The following ARMC2 variants were observed in gnomAD, a reference collection of about 807,000 sequenced individuals.
ARMC2 encodes the protein armadillo repeat-containing protein 2.
Under a neutral mutation model 90.3 loss-of-function variants are expected in ARMC2, and 67 were observed. The observed-to-expected ratio is 0.74, with a 90% CI of 0.61 to 0.91. The LOEUF (loss-of-function observed/expected upper bound fraction) is 0.91. Among genes scored for constraint, ARMC2 ranks in the 40% least tolerant of loss-of-function variants. ARMC2 has a pLI of 0.00. For synonymous variants in ARMC2, 393 were observed against 393.0 expected (o/e 1.00, Z 0.00); for missense variants, 920 against 1,030.9 (o/e 0.89, Z 1.47).
intron 5 of ARMC2, among the ~76,000 whole-genome samples, chr6:108,881,319 C>CTTCCTTCCT (rs1777560389): frequency 2.8e-4 from 5 of 17,762 alleles, no homozygotes; most frequent in Non-Finnish European, 5.4e-4. Context: ...CCTTCCTTCA[C>CTTCCTTCCT]TCCTTCCTTC....
At chr6:109,050,556 A>G in the ARMC2 span, among the ~76,000 whole-genome samples, 42 of 152,342 alleles carry the variant, frequency 2.8e-4, 1 homozygote, top group South Asian at 7.3e-3. Context: ...TGATGAAATT[A>G]GCTTCCTAAG....
intron 9 of ARMC2, among the ~76,000 whole-genome samples, chr6:108,911,668 G>A (rs932660525): frequency 1.3e-5 from 2 of 152,062 alleles, no homozygotes; most frequent in Non-Finnish European, 2.9e-5. Flanking sequence ...AACCAGTACT[G>A]AAAGAAATGT....
intron 4 of ARMC2, among the ~76,000 whole-genome samples, chr6:108,871,360 C>T (rs915069170): frequency 2.0e-5 from 3 of 152,182 alleles, no homozygotes. Flanking sequence ...CCATGAGAAT[C>T]ACCTGAGGAG....
At chr6:109,017,319 T>C in the ARMC2 span, among the ~76,000 whole-genome samples, 1 of 152,184 alleles carries the variant, frequency 6.6e-6, no homozygotes, top group Non-Finnish European at 1.5e-5. Flanking sequence ...AGAGTCTCAC[T>C]CTGTCGCCCA....
chr6:108,937,105 A>G, intron 12 of ARMC2, 106 bp downstream of exon 12: 1 of 1,019,714 alleles, frequency 9.8e-7, no homozygotes, highest in South Asian at 1.7e-5. Context: ...TTTCTATAAG[A>G]AACTTCCATT....
chr6:108,935,484 C>G (rs1489303870), intron 11 of ARMC2, among the ~76,000 whole-genome samples: 1 of 152,052 alleles, frequency 6.6e-6, no homozygotes, highest in Non-Finnish European at 1.5e-5. Flanking sequence ...CTCTGTCACC[C>G]AGGCTGGAGT....
At chr6:108,917,225 G>A (rs1447043517) in intron 10 of ARMC2, among the ~76,000 whole-genome samples, 2 of 152,044 alleles carry the variant, frequency 1.3e-5, no homozygotes, top group African/African-American at 2.4e-5. Context: ...AGGTAACATG[G>A]TTTTCTTTTC....
chr6:108,992,826 G>A, the ARMC2 span: 1 of 1,613,582 alleles, frequency 6.2e-7, no homozygotes, highest in African/African-American at 1.3e-5. Context: ...CATGTCTAGA[G>A]AAATCTTTAT....
At chr6:108,850,300 C>A (rs771552247) in intron 1 of ARMC2, among the ~76,000 whole-genome samples, 43 of 152,304 alleles carry the variant, frequency 2.8e-4, no homozygotes, top group Non-Finnish European at 5.0e-4. Flanking sequence ...TTCTTCTTTC[C>A]TCTTGAAATC....
chr6:108,855,006 T>G (rs1408341259), intron 2 of ARMC2, among the ~76,000 whole-genome samples: 1 of 152,238 alleles, frequency 6.6e-6, no homozygotes, highest in Non-Finnish European at 1.5e-5. Flanking sequence ...CTTTTCAGAT[T>G]GGCTTCTTTG....
chr6:108,942,745 C>T (rs529311640), intron 12 of ARMC2, among the ~76,000 whole-genome samples: 1 of 152,100 alleles, frequency 6.6e-6, no homozygotes, highest in African/African-American at 2.4e-5. Flanking sequence ...GTAGACCTTC[C>T]CTGTTTTTGT....
chr6:108,987,375 C>A, the ARMC2 span: 1 of 518,734 alleles, frequency 1.9e-6, no homozygotes, highest in Non-Finnish European at 3.4e-6. Context: ...ACAGTCACTG[C>A]TTGTGCCAGC....
intron 13 of ARMC2, among the ~76,000 whole-genome samples, chr6:108,957,410 C>T (rs1320892465): frequency 6.6e-6 from 1 of 152,186 alleles, no homozygotes; most frequent in Non-Finnish European, 1.5e-5. Context: ...CCTCCTGCCC[C>T]CTCTGACAGG....
the ARMC2 span, among the ~76,000 whole-genome samples, chr6:109,040,455 A>C: frequency 6.6e-6 from 1 of 152,152 alleles, no homozygotes; most frequent in African/African-American, 2.4e-5. Context: ...AAAGTTACTA[A>C]GAATTTATCA....
At chr6:108,928,419 T>C (rs374349567) in intron 11 of ARMC2, among the ~76,000 whole-genome samples, 186 bp downstream of exon 11, 50 of 152,308 alleles carry the variant, frequency 3.3e-4, no homozygotes, top group African/African-American at 1.1e-3. Flanking sequence ...ACCCATTGTC[T>C]ATATGATTCT....
At chr6:108,858,549 T>C (rs949822765) in intron 3 of ARMC2, among the ~76,000 whole-genome samples, 42 of 151,572 alleles carry the variant, frequency 2.8e-4, no homozygotes, top group African/African-American at 9.4e-4. Flanking sequence ...ATTTTTGCTT[T>C]CTTAGTTATA....
chr6:108,881,217 T>A (rs745908362), intron 5 of ARMC2, among the ~76,000 whole-genome samples: 1 of 150,202 alleles, frequency 6.7e-6, no homozygotes, highest in Non-Finnish European at 1.5e-5. Context: ...TTTCCTTTCT[T>A]TTCTTTCTTT....
At chr6:108,916,271 G>T (rs112318227) in intron 10 of ARMC2, among the ~76,000 whole-genome samples, 17 of 152,212 alleles carry the variant, frequency 1.1e-4, no homozygotes, top group African/African-American at 4.1e-4. Flanking sequence ...TAAGACAGGA[G>T]AGCTGTCAGT....
the ARMC2 span, among the ~76,000 whole-genome samples, chr6:108,995,434 G>T: frequency 6.6e-6 from 1 of 152,160 alleles, no homozygotes; most frequent in African/African-American, 2.4e-5. Context: ...CTCTGCAAAT[G>T]GATCTGGCAG....
Sources: allele counts gnomAD v4.1 joint callset (sites outside exome capture counted in the v4.1 genomes callset), GRCh38; gene constraint gnomAD v4.1.1; transcripts MANE v1.5; gene names NCBI Gene and HGNC (gene_info 2026-07-23, HGNC 2026-07-21).